The following LRRTM4 variants were observed in gnomAD, a reference collection of about 807,000 sequenced individuals.
LRRTM4 encodes leucine-rich repeat transmembrane neuronal protein 4.
LRRTM4 carries 25 observed loss-of-function variants against 47.6 expected under a neutral mutation model. The ratio of observed to expected loss-of-function variants is 0.53; its 90% CI spans 0.38 to 0.73. The LOEUF is 0.73. Among genes scored for constraint, LRRTM4 ranks in the 30% least tolerant of loss-of-function variants. The pLI is 0.00. For synonymous variants in LRRTM4, 311 were observed against 269.5 expected, an observed-to-expected ratio of 1.15 and a Z score of -1.51; for missense variants, 638 against 713.4, an observed-to-expected ratio of 0.89 and a Z score of 1.20.
At chr2:77,088,470 C>T (rs899019811) in intron 3 of LRRTM4, among the ~76,000 whole-genome samples, 1 of 152,070 alleles carries the variant, frequency 6.6e-6, no homozygotes, top group Non-Finnish European at 1.5e-5. Context: ...GAGCACCTTG[C>T]GACCCCCACT....
At chr2:76,937,099 A>G (rs1439018387) in intron 3 of LRRTM4, among the ~76,000 whole-genome samples, 1 of 151,950 alleles carries the variant, frequency 6.6e-6, no homozygotes, top group African/African-American at 2.4e-5. Flanking sequence ...TGAAAGTTAT[A>G]CAGAGATAGA....
chr2:77,416,654 A>G (rs1674645673), intron 3 of LRRTM4, among the ~76,000 whole-genome samples: 1 of 152,112 alleles, frequency 6.6e-6, no homozygotes, highest in Admixed American at 6.6e-5. Flanking sequence ...ATATAATCTT[A>G]GCAAAATCAT....
intron 3 of LRRTM4, among the ~76,000 whole-genome samples, chr2:77,190,629 A>G (rs769516842): frequency 8.5e-5 from 13 of 152,152 alleles, no homozygotes; most frequent in Non-Finnish European, 1.8e-4. Context: ...AACTAGGAAT[A>G]TTAGCACATT....
Position 77,360,427 on chromosome 2 carries a change from T to C in LRRTM4, c.1551+157891A>G, listed in dbSNP as rs575079400. ...AGCCAAGATCACGGCCACTGCACTGTAGCCTGGGCGGCAGAGCGAGACTCC... is the reference window on the plus strand; with the variant it reads ...AGCCAAGATCACGGCCACTGCACTGCAGCCTGGGCGGCAGAGCGAGACTCC... On this transcript the variant is annotated intron_variant, in intron 3 of 3. Coordinates refer to ENST00000409884, the MANE Select transcript of LRRTM4 (RefSeq NM_001134745.3). Among the ~76,000 whole-genome samples, 408 of 151,878 alleles carry C rather than the reference T, an allele frequency of 2.7e-3. 4 individuals carry two copies. Among genetic ancestry groups the C allele is most frequent in the African/African-American group, 8.4e-3 (347 of 41,434 alleles).
chr2:77,187,599 A>C (rs899468279), intron 3 of LRRTM4, among the ~76,000 whole-genome samples: 5 of 152,056 alleles, frequency 3.3e-5, no homozygotes, highest in African/African-American at 1.2e-4. Flanking sequence ...CGTTGTGTAC[A>C]TGTACCCTAA....
At chr2:76,795,795 G>GTGAAGAGATCAGGGCACTATCAGAAAAC (rs1675269770) in intron 3 of LRRTM4, among the ~76,000 whole-genome samples, 1 of 151,970 alleles carries the variant, frequency 6.6e-6, no homozygotes, top group Non-Finnish European at 1.5e-5. Context: ...TATCAGAAAA[G>GTGAAGAGATCAGGGCACTATCAGAAAAC]AAAAGTGAAG....
intron 3 of LRRTM4, among the ~76,000 whole-genome samples, chr2:77,080,592 T>C (rs200053168): frequency 6.6e-6 from 1 of 152,180 alleles, no homozygotes; most frequent in East Asian, 1.9e-4. Flanking sequence ...TCTAAATTAA[T>C]GGAAATTCTG....
chr2:77,309,201 C>T (rs59255962), intron 3 of LRRTM4, among the ~76,000 whole-genome samples: 4,844 of 152,126 alleles, frequency 0.032, 244 homozygotes, highest in African/African-American at 0.11. Flanking sequence ...AATGCACTTT[C>T]AAATAACATT....
chr2:76,808,956 C>A (rs1162228072), intron 3 of LRRTM4, among the ~76,000 whole-genome samples: 1 of 152,096 alleles, frequency 6.6e-6, no homozygotes, highest in Non-Finnish European at 1.5e-5. Flanking sequence ...TCCTCCACAC[C>A]AGCTGTGTTT....
intron 3 of LRRTM4, among the ~76,000 whole-genome samples, chr2:77,367,984 G>A (rs545876171): frequency 3.3e-5 from 5 of 151,622 alleles, no homozygotes; most frequent in South Asian, 2.1e-4. Flanking sequence ...TTTTTTCATC[G>A]TTATAAAGCT....
At chr2:76,898,709 G>A (rs1673511526) in intron 3 of LRRTM4, among the ~76,000 whole-genome samples, 1 of 151,146 alleles carries the variant, frequency 6.6e-6, no homozygotes. Context: ...TAAATTTTAT[G>A]GAAAATATCT....
chr2:77,472,933 G>A (rs758530590), intron 3 of LRRTM4, among the ~76,000 whole-genome samples: 1 of 152,094 alleles, frequency 6.6e-6, no homozygotes, highest in Non-Finnish European at 1.5e-5. Flanking sequence ...TTTGCTCACA[G>A]CAATCTCATA....
At chr2:77,227,047 G>A (rs1204729626) in intron 3 of LRRTM4, among the ~76,000 whole-genome samples, 1 of 151,904 alleles carries the variant, frequency 6.6e-6, no homozygotes, top group Non-Finnish European at 1.5e-5. Flanking sequence ...CATATCTAGG[G>A]ACAAGCTAAG....
chr2:77,086,409 A>AGTGTGT (rs111490311), intron 3 of LRRTM4, among the ~76,000 whole-genome samples: 140 of 150,720 alleles, frequency 9.3e-4, no homozygotes, highest in African/African-American at 3.3e-3. Flanking sequence ...AAACATTTTT[A>AGTGTGT]GTGTGTGTAT....
chr2:77,156,416 A>G (rs911210051), intron 3 of LRRTM4, among the ~76,000 whole-genome samples: 1 of 152,008 alleles, frequency 6.6e-6, no homozygotes, highest in African/African-American at 2.4e-5. Context: ...ATTCATCCAC[A>G]GGAAAATGAT....
chr2:77,398,769 G>T (rs1573361624), intron 3 of LRRTM4, among the ~76,000 whole-genome samples: 1 of 151,814 alleles, frequency 6.6e-6, no homozygotes, highest in East Asian at 1.9e-4. Flanking sequence ...AACATACCCT[G>T]ATAATGACCT....
intron 3 of LRRTM4, among the ~76,000 whole-genome samples, chr2:77,099,920 A>G (rs1164197370): frequency 6.6e-6 from 1 of 152,110 alleles, no homozygotes; most frequent in Non-Finnish European, 1.5e-5. Context: ...GGAGTGTGAA[A>G]GTGCAGGTGT....
intron 3 of LRRTM4, among the ~76,000 whole-genome samples, chr2:77,063,934 G>C (rs1322476224): frequency 6.6e-6 from 1 of 151,894 alleles, no homozygotes; most frequent in Admixed American, 6.6e-5. Flanking sequence ...TTTTTGGAAG[G>C]AGACTAAGGC....
intron 3 of LRRTM4, among the ~76,000 whole-genome samples, chr2:77,166,712 T>C (rs1215593834): frequency 2.0e-5 from 3 of 152,128 alleles, no homozygotes; most frequent in Admixed American, 6.6e-5. Context: ...GGGAAATGAT[T>C]CCCTATTTAA....
Sources: allele counts gnomAD v4.1 joint callset (sites outside exome capture counted in the v4.1 genomes callset), GRCh38; gene constraint gnomAD v4.1.1; transcripts MANE v1.5; gene names NCBI Gene and HGNC (gene_info 2026-07-23, HGNC 2026-07-21).